NCKAP5: variants seen among roughly 807,000 people sequenced by gnomAD.
NCKAP5 encodes NCK associated protein 5.
In NCKAP5, 92 loss-of-function variants were observed where a neutral mutation model predicts 167.0. The observed-to-expected ratio is 0.55, with a 90% CI of 0.47 to 0.66. The LOEUF (loss-of-function observed/expected upper bound fraction) is 0.66, where lower values mean the gene tolerates loss of function less well. NCKAP5 is among the 30% of genes least tolerant of loss of function. The pLI, the probability that NCKAP5 is intolerant of heterozygous loss-of-function variation, is 0.00. For missense variants in NCKAP5, 2,378 were observed against 2,315.0 expected, an observed-to-expected ratio of 1.03 and a Z score of -0.56; for synonymous variants, 891 against 877.4, an observed-to-expected ratio of 1.02 and a Z score of -0.27.
At chr2:132,757,548 G>A (rs760343477) in intron 16 of NCKAP5, among the ~76,000 whole-genome samples, 4 of 152,072 alleles carry the variant, frequency 2.6e-5, no homozygotes, top group Admixed American at 6.5e-5. Flanking sequence ...ACTTTTCTCA[G>A]TCACACATTT....
chr2:132,714,597 C>A (rs1689177552), intron 19 of NCKAP5, among the ~76,000 whole-genome samples: 1 of 152,026 alleles, frequency 6.6e-6, no homozygotes, highest in East Asian at 2.0e-4. Flanking sequence ...GCTGGCGGAT[C>A]ACCTGAGGTT....
intron 3 of NCKAP5, among the ~76,000 whole-genome samples, chr2:133,438,635 T>A (rs544749274): frequency 1.3e-5 from 2 of 152,158 alleles, no homozygotes; most frequent in South Asian, 2.1e-4. Flanking sequence ...GACAATGCCT[T>A]TGGAGTCAAA....
chr2:133,152,375 AT>A (rs1330426693), intron 5 of NCKAP5, among the ~76,000 whole-genome samples: 1 of 152,046 alleles, frequency 6.6e-6, no homozygotes, highest in Non-Finnish European at 1.5e-5. Context: ...TTTGTTGAAG[AT>A]TTTATGTAAG....
chr2:133,202,798 A>G (rs1440909603), intron 5 of NCKAP5, among the ~76,000 whole-genome samples: 2 of 152,230 alleles, frequency 1.3e-5, no homozygotes, highest in Admixed American at 1.3e-4. Context: ...AATGCTCATC[A>G]TCACTGGCCA....
intron 8 of NCKAP5, among the ~76,000 whole-genome samples, chr2:132,908,756 T>G (rs1421899562): frequency 6.6e-6 from 1 of 152,220 alleles, no homozygotes; most frequent in African/African-American, 2.4e-5. Context: ...ACCTTCCCAG[T>G]TTGGATTACC....
chr2:132,901,189 T>A (rs1189992661), intron 8 of NCKAP5, among the ~76,000 whole-genome samples: 1 of 152,136 alleles, frequency 6.6e-6, no homozygotes, highest in Admixed American at 6.5e-5. Flanking sequence ...TGTGCCCAAT[T>A]ATTGGGAGAG....
intron 11 of NCKAP5, among the ~76,000 whole-genome samples, chr2:132,839,757 CAAAAAAAAAA>C (rs59000613): frequency 7.9e-5 from 5 of 63,080 alleles, no homozygotes; most frequent in African/African-American, 3.0e-4. Flanking sequence ...GACCTTGTCT[CAAAAAAAAAA>C]AAAAAAAAAA....
chr2:133,197,393 T>C (rs1386216523), intron 5 of NCKAP5, among the ~76,000 whole-genome samples: 1 of 152,222 alleles, frequency 6.6e-6, no homozygotes, highest in Non-Finnish European at 1.5e-5. Flanking sequence ...ACTTGAGGCC[T>C]GAACCTCACC....
In NCKAP5 at chr2:133,041,005, C is replaced by T. The variant is rs1277176955; in HGVS notation, c.342-46766G>A. 3.3e-5 allele frequency among the ~76,000 whole-genome samples: 5 copies of T among 152,118 alleles called. No individual in the cohort carries two copies. In the East Asian group the frequency reaches 5.8e-4, roughly 18 times the overall value. On this transcript the variant is annotated intron_variant, in intron 6 of 19. Transcript: ENST00000409261. ...AGAAAGAGGTTCGGAATGGCCTGAGCGCAAATGACAAATGTTAGCTTATGC... is the reference window on the plus strand; with the variant it reads ...AGAAAGAGGTTCGGAATGGCCTGAGTGCAAATGACAAATGTTAGCTTATGC...
intron 3 of NCKAP5, 107 bp from the exon 4 acceptor site, chr2:133,303,217 C>A: frequency 1.4e-6 from 1 of 716,698 alleles, no homozygotes. Context: ...ATTATCCCTA[C>A]TTCCCTTCCG....
At chr2:132,805,988 C>T (rs1399364081) in intron 11 of NCKAP5, among the ~76,000 whole-genome samples, 2 of 152,110 alleles carry the variant, frequency 1.3e-5, no homozygotes, top group African/African-American at 2.4e-5. Context: ...TTTGCGTCCT[C>T]ATAGCTTAGC....
intron 3 of NCKAP5, among the ~76,000 whole-genome samples, chr2:133,373,570 G>A (rs1685944988): frequency 6.6e-6 from 1 of 152,160 alleles, no homozygotes; most frequent in Admixed American, 6.5e-5. Context: ...TAACTCTAAA[G>A]GTTATATGGA....
chr2:133,120,925 T>C (rs1268306664), intron 6 of NCKAP5, among the ~76,000 whole-genome samples: 1 of 152,236 alleles, frequency 6.6e-6, no homozygotes, highest in Admixed American at 6.5e-5. Flanking sequence ...TCTACTTTAG[T>C]GAAGATATTC....
intron 2 of NCKAP5, among the ~76,000 whole-genome samples, chr2:133,546,835 T>G (rs1483761696): frequency 2.6e-5 from 4 of 152,138 alleles, no homozygotes; most frequent in African/African-American, 9.7e-5. Context: ...AAAGAGCAAT[T>G]CTTTGTCCAA....
intron 5 of NCKAP5, among the ~76,000 whole-genome samples, chr2:133,140,565 G>A (rs889436216): frequency 1.3e-5 from 2 of 151,926 alleles, no homozygotes; most frequent in African/African-American, 4.8e-5. Context: ...TACTATGAAG[G>A]TTAACACCTG....
intron 7 of NCKAP5, among the ~76,000 whole-genome samples, chr2:132,972,168 G>C (rs549781381): frequency 5.5e-4 from 84 of 152,246 alleles, no homozygotes; most frequent in African/African-American, 1.8e-3. Context: ...CCTATAGCTT[G>C]CTAACCCTAC....
chr2:133,315,875 A>G (rs1248986412), intron 3 of NCKAP5, among the ~76,000 whole-genome samples: 2 of 152,168 alleles, frequency 1.3e-5, no homozygotes, highest in Non-Finnish European at 2.9e-5. Context: ...ACAAAATTTT[A>G]TGCCAAGGGT....
At chr2:132,990,858 G>C (rs916938386) in intron 7 of NCKAP5, among the ~76,000 whole-genome samples, 11 of 152,184 alleles carry the variant, frequency 7.2e-5, no homozygotes, top group African/African-American at 2.4e-4. Flanking sequence ...AAGCCACCAA[G>C]TTTGTTACAG....
Position 132,962,617 on chromosome 2 carries a change from T to G in NCKAP5, c.579+1103A>C, listed in dbSNP as rs567150249. ...TTTTTGTTTGTTTGTTTGTTTGTTT[T>G]TTTGAGTCTGTCACCCAGGCTGGAG... On this transcript the variant is annotated intron_variant, in intron 8 of 19. Coordinates refer to ENST00000409261, the MANE Select transcript of NCKAP5 (RefSeq NM_207363.3). 1.4e-4 allele frequency among the ~76,000 whole-genome samples: 21 copies of G among 151,738 alleles called. 1 individual carries two copies. Among genetic ancestry groups the G allele is most frequent in the African/African-American group, 4.6e-4 (19 of 41,348 alleles).
Sources: allele counts gnomAD v4.1 joint callset (sites outside exome capture counted in the v4.1 genomes callset), GRCh38; gene constraint gnomAD v4.1.1; transcripts MANE v1.5; gene names NCBI Gene and HGNC (gene_info 2026-07-23, HGNC 2026-07-21).